NALF1: variants seen among roughly 807,000 people sequenced by gnomAD.
NALF1 encodes the protein family with sequence similarity 155 member A.
Under a neutral mutation model 48.4 loss-of-function variants are expected in NALF1, and 3 were observed. The ratio of observed to expected loss-of-function variants is 0.06; its 90% confidence interval spans 0.03 to 0.16. NALF1 has a LOEUF of 0.16. Among genes scored for constraint, NALF1 ranks in the 10% least tolerant of loss-of-function variants. The pLI is 1.00. For missense variants in NALF1, 526 were observed against 571.5 expected (o/e 0.92, Z 0.81); for synonymous variants, 262 against 245.7 (o/e 1.07, Z -0.62).
intron 1 of NALF1, among the ~76,000 whole-genome samples, chr13:107,671,671 G>A (rs1383639567): frequency 1.3e-5 from 2 of 151,984 alleles, no homozygotes; most frequent in Non-Finnish European, 2.9e-5. Context: ...GTGAACAAAA[G>A]ACTTTATTTT....
intron 1 of NALF1, among the ~76,000 whole-genome samples, chr13:107,337,347 T>C (rs1357538388): frequency 6.6e-6 from 1 of 152,222 alleles, no homozygotes; most frequent in African/African-American, 2.4e-5. Flanking sequence ...CCCAGTGTTA[T>C]ATCTGTATTG....
chr13:107,178,406 C>T (rs1029084281), intron 2 of NALF1, among the ~76,000 whole-genome samples: 2 of 152,184 alleles, frequency 1.3e-5, no homozygotes, highest in African/African-American at 4.8e-5. Flanking sequence ...TCTGAATAGA[C>T]ATTTCTCAAA....
chr13:107,401,749 G>T (rs907466750), intron 1 of NALF1, among the ~76,000 whole-genome samples: 1 of 151,434 alleles, frequency 6.6e-6, no homozygotes, highest in Non-Finnish European at 1.5e-5. Context: ...CCAGTCAGCC[G>T]AAATGGCACG....
chr13:107,209,220 T>C (rs563952828), intron 2 of NALF1, among the ~76,000 whole-genome samples: 2 of 152,254 alleles, frequency 1.3e-5, no homozygotes, highest in Admixed American at 1.3e-4. Context: ...GAAATACTAA[T>C]CCAGGCTGGG....
chr13:107,727,401 T>C (rs778713497), intron 1 of NALF1, among the ~76,000 whole-genome samples: 60 of 152,170 alleles, frequency 3.9e-4, no homozygotes, highest in Non-Finnish European at 7.9e-4. Context: ...TTCCATAGGC[T>C]GAGGATTTTC....
intron 1 of NALF1, among the ~76,000 whole-genome samples, chr13:107,449,230 T>A (rs370416544): frequency 2.6e-5 from 4 of 151,488 alleles, no homozygotes; most frequent in African/African-American, 9.7e-5. Flanking sequence ...GGCAACAGGG[T>A]GAGACTCTGT....
At position 107,742,067 on chromosome 13, in the gene NALF1, C is replaced by A. The variant is rs376840777; in HGVS notation, c.915+123615G>T. On this transcript the variant is annotated intron_variant, in intron 1 of 2. Coordinates refer to ENST00000375915, the MANE Select transcript of NALF1 (RefSeq NM_001080396.3). The stretch of plus-strand genomic sequence containing the variant: ...TGTGATTTCTTTAAGTAATGGTGCA[C>A]CATGTTCTCAGGAAACAGCACGAGA... 2.0e-5 allele frequency among the ~76,000 whole-genome samples: 3 copies of A among 152,306 alleles called. No individual in the cohort carries two copies. The East Asian group carries it at 5.8e-4, about 29-fold the overall frequency.
intron 1 of NALF1, among the ~76,000 whole-genome samples, chr13:107,571,892 G>A (rs1566398290): frequency 6.6e-6 from 1 of 152,122 alleles, no homozygotes; most frequent in African/African-American, 2.4e-5. Flanking sequence ...GAGTAGAAGA[G>A]TAGTTTTTTC....
chr13:107,693,212 C>T (rs1399834719), intron 1 of NALF1, among the ~76,000 whole-genome samples: 2 of 151,754 alleles, frequency 1.3e-5, no homozygotes, highest in East Asian at 1.9e-4. Context: ...TCTGAGCAAA[C>T]TATCACAAGG....
At chr13:107,252,347 T>C (rs879716612) in intron 1 of NALF1, among the ~76,000 whole-genome samples, 2 of 147,166 alleles carry the variant, frequency 1.4e-5, no homozygotes, top group African/African-American at 2.5e-5. Context: ...CTGGGACAGG[T>C]GGTGGGAAAC....
chr13:107,299,359 C>A (rs1466390025), intron 1 of NALF1, among the ~76,000 whole-genome samples: 1 of 151,294 alleles, frequency 6.6e-6, no homozygotes. Flanking sequence ...TGAACTGGCA[C>A]CCAGGAGGCG....
At chr13:107,864,026 A>G (rs1880645904) in intron 1 of NALF1, among the ~76,000 whole-genome samples, 1 of 152,210 alleles carries the variant, frequency 6.6e-6, no homozygotes, top group Non-Finnish European at 1.5e-5. Flanking sequence ...CAATCCTTTT[A>G]TTACTAGTAG....
intron 1 of NALF1, among the ~76,000 whole-genome samples, chr13:107,613,996 C>T (rs1365388336): frequency 2.0e-5 from 3 of 152,184 alleles, no homozygotes; most frequent in African/African-American, 4.8e-5. Context: ...AATTGATACT[C>T]AGAAAGGGTA....
chr13:107,717,438 A>T (rs971203398), intron 1 of NALF1, among the ~76,000 whole-genome samples: 2 of 152,172 alleles, frequency 1.3e-5, no homozygotes, highest in African/African-American at 4.8e-5. Flanking sequence ...CCTCCAGATG[A>T]TCCTGATGCA....
At chr13:107,531,019 T>C (rs1876613050) in intron 1 of NALF1, among the ~76,000 whole-genome samples, 1 of 16,592 alleles carries the variant, frequency 6.0e-5, no homozygotes, top group East Asian at 1.1e-3. Context: ...GTCATTCACA[T>C]ATATATATAT....
At chr13:107,443,998 G>A (rs1393939604) in intron 1 of NALF1, among the ~76,000 whole-genome samples, 1 of 151,980 alleles carries the variant, frequency 6.6e-6, no homozygotes, top group Non-Finnish European at 1.5e-5. Context: ...TGGTTCTCCT[G>A]TAATTATCTT....
intron 1 of NALF1, among the ~76,000 whole-genome samples, chr13:107,344,882 G>T (rs1267733929): frequency 6.6e-6 from 1 of 152,092 alleles, no homozygotes; most frequent in Admixed American, 6.5e-5. Flanking sequence ...AAAGGAAGAA[G>T]TAAAATTATC....
intron 1 of NALF1, among the ~76,000 whole-genome samples, chr13:107,305,228 A>T (rs1566480140): frequency 6.6e-6 from 1 of 152,116 alleles, no homozygotes. Context: ...CAAAAAGCAT[A>T]TTTTTTTCTT....
intron 1 of NALF1, among the ~76,000 whole-genome samples, chr13:107,817,904 T>C (rs1206253505): frequency 6.6e-6 from 1 of 152,164 alleles, no homozygotes; most frequent in Non-Finnish European, 1.5e-5. Context: ...TTTATATCCA[T>C]CCATCCATCC....
Sources: gnomAD v4.1 joint callset for allele counts (sites outside exome capture counted in the v4.1 genomes callset) on GRCh38, gnomAD v4.1.1 for gene constraint, MANE v1.5 for transcripts, NCBI Gene and HGNC (gene_info 2026-07-23, HGNC 2026-07-21) for gene names.